The following CLECL1 variants were observed in gnomAD, a reference collection of about 807,000 sequenced individuals.
CLECL1 encodes C-type lectin like 1, also known as C-type lectin-like domain family 1.
At chr12:9,729,941 T>A (rs1253440052) in intron 1 of CLECL1, among the ~76,000 whole-genome samples, 1 of 152,218 alleles carries the variant, frequency 6.6e-6, no homozygotes, top group East Asian at 1.9e-4. Flanking sequence ...ACTGTCTGTG[T>A]CTCTGGGTTT....
the CLECL1 span, chr12:9,708,731 T>C: frequency 6.2e-6 from 1 of 160,712 alleles, no homozygotes. Flanking sequence ...GGTACCTATG[T>C]CACTTGCCAA....
At chr12:9,711,898 T>G (rs1866203522), downstream of CLECL1, among the ~76,000 whole-genome samples, 1 of 152,222 alleles carries the variant, frequency 6.6e-6, no homozygotes, top group Non-Finnish European at 1.5e-5. Context: ...TAATAGGCAC[T>G]TTACACTTAA....
At chr12:9,708,098 G>C in the CLECL1 span, among the ~76,000 whole-genome samples, 1 of 152,148 alleles carries the variant, frequency 6.6e-6, no homozygotes, top group Non-Finnish European at 1.5e-5. Flanking sequence ...GGAGGAAGCT[G>C]GGGCAGTAAC....
the CLECL1 span, among the ~76,000 whole-genome samples, chr12:9,707,200 T>G: frequency 6.6e-6 from 1 of 152,170 alleles, no homozygotes; most frequent in Non-Finnish European, 1.5e-5. Flanking sequence ...ACCAGAAATT[T>G]TAGTTTTAAT....
chr12:9,703,753 C>A, the CLECL1 span, among the ~76,000 whole-genome samples: 1 of 151,924 alleles, frequency 6.6e-6, no homozygotes, highest in African/African-American at 2.4e-5. Context: ...TATATGTATA[C>A]ATATTTGTCA....
chr12:9,702,236 G>A, the CLECL1 span, among the ~76,000 whole-genome samples: 9 of 152,154 alleles, frequency 5.9e-5, no homozygotes, highest in Non-Finnish European at 7.4e-5. Context: ...GGCTCTCAGC[G>A]GGATAGGGAG....
At chr12:9,709,086 T>A in the CLECL1 span, 1 of 162,642 alleles carries the variant, frequency 6.1e-6, no homozygotes, top group Non-Finnish European at 1.3e-5. Flanking sequence ...GGAACTTTTC[T>A]GCAGACATGA....
chr12:9,711,006 C>T (rs1366621731), downstream of CLECL1, among the ~76,000 whole-genome samples: 1 of 152,204 alleles, frequency 6.6e-6, no homozygotes, highest in African/African-American at 2.4e-5. Context: ...AGGCAGGGGT[C>T]TAATTGAGTT....
chr12:9,703,270 T>C, the CLECL1 span, among the ~76,000 whole-genome samples: 1 of 152,218 alleles, frequency 6.6e-6, no homozygotes, highest in African/African-American at 2.4e-5. Flanking sequence ...CTGTTAAATG[T>C]TGTTCCTCCA....
At chr12:9,704,550 C>G in the CLECL1 span, among the ~76,000 whole-genome samples, 1 of 152,052 alleles carries the variant, frequency 6.6e-6, no homozygotes. Flanking sequence ...TTTAAATTCT[C>G]TCCCTCCTTT....
intron 2 of CLECL1, among the ~76,000 whole-genome samples, chr12:9,728,768 G>A (rs950012465): frequency 6.6e-6 from 1 of 151,884 alleles, no homozygotes; most frequent in African/African-American, 2.4e-5. Context: ...TTACATTAAA[G>A]TAGTTAAACC....
chr12:9,726,474 G>A (rs1054935670), intron 3 of CLECL1, among the ~76,000 whole-genome samples: 1 of 151,942 alleles, frequency 6.6e-6, no homozygotes. Context: ...AAAATGTGAA[G>A]TTAGGTGAAA....
chr12:9,704,901 AT>A, the CLECL1 span, among the ~76,000 whole-genome samples: 1 of 152,136 alleles, frequency 6.6e-6, no homozygotes, highest in Non-Finnish European at 1.5e-5. Context: ...TTATAGAACA[AT>A]TTATATTGCT....
intron 1 of CLECL1, among the ~76,000 whole-genome samples, chr12:9,731,259 C>A (rs533410103): frequency 2.6e-5 from 4 of 152,114 alleles, no homozygotes; most frequent in African/African-American, 9.7e-5. Context: ...TCGTCTAATG[C>A]GATTCATTTA....
downstream of CLECL1, among the ~76,000 whole-genome samples, chr12:9,721,925 A>C (rs144341974): frequency 1.7e-3 from 255 of 152,250 alleles, 1 homozygote; most frequent in African/African-American, 5.8e-3. Flanking sequence ...GATTTCTGTG[A>C]CACTCAAGAG....
At chr12:9,732,243 A>G (rs886124705) in intron 1 of CLECL1, among the ~76,000 whole-genome samples, 4 of 152,252 alleles carry the variant, frequency 2.6e-5, no homozygotes, top group African/African-American at 9.6e-5. Flanking sequence ...TAAAACACCT[A>G]CATAAACTCT....
chr12:9,734,084 T>C (rs1591722231), upstream of CLECL1, among the ~76,000 whole-genome samples: 1 of 152,382 alleles, frequency 6.6e-6, no homozygotes, highest in East Asian at 1.9e-4. Flanking sequence ...AGCTTATGAC[T>C]AGTAGATTAA....
At chr12:9,731,260 G>A (rs1291917057) in intron 1 of CLECL1, among the ~76,000 whole-genome samples, 1 of 152,084 alleles carries the variant, frequency 6.6e-6, no homozygotes, top group African/African-American at 2.4e-5. Flanking sequence ...CGTCTAATGC[G>A]ATTCATTTAT....
At chr12:9,704,274 A>G in the CLECL1 span, 1 of 152,198 alleles carries the variant, frequency 6.6e-6, no homozygotes, top group East Asian at 1.9e-4. Flanking sequence ...TAATTATGAC[A>G]CTTTCTTCAC....
Sources: allele counts gnomAD v4.1 joint callset (sites outside exome capture counted in the v4.1 genomes callset), GRCh38; gene constraint gnomAD v4.1.1; transcripts MANE v1.5; gene names NCBI Gene and HGNC (gene_info 2026-07-23, HGNC 2026-07-21).